The following DOK6 variants were observed in gnomAD, a reference collection of about 807,000 sequenced individuals.
DOK6 encodes downstream of tyrosine kinase 6.
In DOK6, 22 loss-of-function variants were observed where a neutral mutation model predicts 44.0. That is an observed-to-expected ratio of 0.50 (90% CI 0.36 to 0.71). The LOEUF is 0.71. DOK6 is among the 30% of genes least tolerant of loss of function. DOK6 has a pLI of 0.00. For missense variants in DOK6, 340 were observed against 416.4 expected, an observed-to-expected ratio of 0.82 and a Z score of 1.60; for synonymous variants, 166 against 145.5, an observed-to-expected ratio of 1.14 and a Z score of -1.01.
intron 1 of DOK6, among the ~76,000 whole-genome samples, chr18:69,411,067 A>G (rs1272881829): frequency 6.6e-6 from 1 of 152,152 alleles, no homozygotes; most frequent in Non-Finnish European, 1.5e-5. Context: ...GAAGCAATAT[A>G]TAGCACATAC....
chr18:69,510,126 T>C (rs1242988694), intron 1 of DOK6, among the ~76,000 whole-genome samples: 1 of 152,220 alleles, frequency 6.6e-6, no homozygotes, highest in Non-Finnish European at 1.5e-5. Flanking sequence ...TATTTTAAAG[T>C]CATTTTGGCT....
intron 5 of DOK6, among the ~76,000 whole-genome samples, chr18:69,732,181 G>T (rs1339865924): frequency 1.3e-5 from 2 of 151,974 alleles, no homozygotes; most frequent in Non-Finnish European, 2.9e-5. Flanking sequence ...AACATTTAAG[G>T]AGTACACGAG....
At chr18:69,577,794 T>C (rs1434861332) in intron 2 of DOK6, among the ~76,000 whole-genome samples, 3 of 152,144 alleles carry the variant, frequency 2.0e-5, no homozygotes, top group Non-Finnish European at 4.4e-5. Context: ...ATGTCTAAAT[T>C]CTAGGAACCT....
At chr18:69,760,142 TCTTC>T (rs1221754432) in intron 7 of DOK6, among the ~76,000 whole-genome samples, 2 of 152,216 alleles carry the variant, frequency 1.3e-5, no homozygotes, top group Non-Finnish European at 2.9e-5. Flanking sequence ...CGTATTTTAT[TCTTC>T]CTTCGTTCGG....
chr18:69,689,367 A>C (rs997596844), intron 4 of DOK6, among the ~76,000 whole-genome samples: 1 of 152,250 alleles, frequency 6.6e-6, no homozygotes, highest in Non-Finnish European at 1.5e-5. Context: ...ACAAAAGTTA[A>C]AGAAAATTGT....
At chr18:69,456,155 A>G (rs1028935102) in intron 1 of DOK6, among the ~76,000 whole-genome samples, 2 of 152,158 alleles carry the variant, frequency 1.3e-5, no homozygotes, top group African/African-American at 2.4e-5. Flanking sequence ...CATTGTTTTT[A>G]TTCCAGGAAT....
chr18:69,739,600 T>A (rs1978733887), intron 6 of DOK6, among the ~76,000 whole-genome samples: 1 of 152,234 alleles, frequency 6.6e-6, no homozygotes, highest in Non-Finnish European at 1.5e-5. Flanking sequence ...ATAATTTGTC[T>A]ATCATCTTGT....
At chr18:69,629,822 G>C (rs1247857148) in intron 3 of DOK6, among the ~76,000 whole-genome samples, 2 of 152,104 alleles carry the variant, frequency 1.3e-5, no homozygotes, top group Non-Finnish European at 2.9e-5. Flanking sequence ...TTGAGATAGA[G>C]TCTGGCTGTC....
intron 1 of DOK6, among the ~76,000 whole-genome samples, chr18:69,490,994 C>G (rs1003187617): frequency 6.6e-6 from 1 of 152,116 alleles, no homozygotes; most frequent in Non-Finnish European, 1.5e-5. Flanking sequence ...CTGCCGGCAG[C>G]GGAGGAGCAG....
intron 5 of DOK6, among the ~76,000 whole-genome samples, chr18:69,706,471 T>A (rs7238488): frequency 0.09 from 13,647 of 152,134 alleles, 694 homozygotes; most frequent in Admixed American, 0.14. Flanking sequence ...GAATAGAGCC[T>A]CTTATTTTTA....
intron 3 of DOK6, among the ~76,000 whole-genome samples, chr18:69,608,672 T>C (rs913324480): frequency 6.6e-6 from 1 of 152,206 alleles, no homozygotes; most frequent in Non-Finnish European, 1.5e-5. Flanking sequence ...TTTTTGAATT[T>C]CTTTCATAAA....
At chr18:69,817,467 G>T (rs1192143879) in intron 7 of DOK6, among the ~76,000 whole-genome samples, 1 of 152,124 alleles carries the variant, frequency 6.6e-6, no homozygotes, top group African/African-American at 2.4e-5. Flanking sequence ...TTTTCTCACA[G>T]TTCTGAAAGC....
chr18:69,774,133 G>GATATATATATATATGAGATATATATATAT (rs1979980198), intron 7 of DOK6, among the ~76,000 whole-genome samples: 1 of 66,866 alleles, frequency 1.5e-5, no homozygotes, highest in Admixed American at 2.1e-4. Context: ...ATATATATGA[G>GATATATATATATATGAGATATATATATAT]ATATATATAT....
chr18:69,711,287 T>C (rs1986751017), intron 5 of DOK6, among the ~76,000 whole-genome samples: 1 of 152,186 alleles, frequency 6.6e-6, no homozygotes, highest in Non-Finnish European at 1.5e-5. Context: ...ATGGAATTCA[T>C]TACCTTTGGA....
At chr18:69,737,607 C>T (rs1371502950) in intron 5 of DOK6, among the ~76,000 whole-genome samples, 1 of 152,210 alleles carries the variant, frequency 6.6e-6, no homozygotes, top group Non-Finnish European at 1.5e-5. Context: ...GGTACAAACA[C>T]TGAAGAAAGA....
At chr18:69,460,180 G>A (rs1599141737) in intron 1 of DOK6, among the ~76,000 whole-genome samples, 1 of 152,228 alleles carries the variant, frequency 6.6e-6, no homozygotes, top group East Asian at 1.9e-4. Context: ...GGAATGACAA[G>A]TGAAAATGCA....
chr18:69,645,177 G>A (rs1985040153), intron 3 of DOK6, among the ~76,000 whole-genome samples: 1 of 152,072 alleles, frequency 6.6e-6, no homozygotes, highest in Non-Finnish European at 1.5e-5. Context: ...CACGTGTGTG[G>A]ATCTGTGCAA....
Position 69,688,555 on chromosome 18 carries a change from C to A in DOK6, c.410-9849C>A, listed in dbSNP as rs186785016. 3.3e-3 allele frequency among the ~76,000 whole-genome samples: 503 copies of A among 152,316 alleles called. 4 individuals carry two copies. Among genetic ancestry groups the A allele is most frequent in the African/African-American group, 0.011 (449 of 41,568 alleles). Reference sequence around the variant, plus strand: ...TGCTGCTGTTTGAGTCAGAGTCTCGCTCTATTGCCCAGGCTGGAGTGCAGT... The same window carrying A: ...TGCTGCTGTTTGAGTCAGAGTCTCGATCTATTGCCCAGGCTGGAGTGCAGT... On this transcript the variant is annotated intron_variant, in intron 4 of 7. Transcript: ENST00000382713.
chr18:69,710,262 T>G (rs981643808), intron 5 of DOK6, among the ~76,000 whole-genome samples: 2 of 152,170 alleles, frequency 1.3e-5, no homozygotes, highest in African/African-American at 4.8e-5. Context: ...TTAACAAAAC[T>G]TAAAGGGGAA....
Sources: allele counts gnomAD v4.1 joint callset (sites outside exome capture counted in the v4.1 genomes callset), GRCh38; gene constraint gnomAD v4.1.1; transcripts MANE v1.5; gene names NCBI Gene and HGNC (gene_info 2026-07-23, HGNC 2026-07-21).